Variants in CDS2 observed in about 807,000 individuals in gnomAD.
CDS2 encodes CDP-diacylglycerol synthase 2, also known as phosphatidate cytidylyltransferase 2.
In CDS2, 47 loss-of-function variants were observed where a neutral mutation model predicts 59.0. The observed-to-expected ratio is 0.80, with a 90% confidence interval of 0.63 to 1.02. The LOEUF is 1.02. Among genes scored for constraint, CDS2 ranks in the 50% least tolerant of loss-of-function variants. CDS2 has a pLI of 0.00. For missense variants in CDS2, 356 were observed against 558.9 expected (o/e 0.64, Z 3.66); for synonymous variants, 207 against 206.4 (o/e 1.00, Z -0.02).
intron 1 of CDS2, among the ~76,000 whole-genome samples, chr20:5,127,517 C>A (rs2090564811): frequency 6.6e-6 from 1 of 152,334 alleles, no homozygotes; most frequent in South Asian, 2.1e-4. Context: ...GGAGGCGGCT[C>A]CTCTGAGCGC....
intron 1 of CDS2, among the ~76,000 whole-genome samples, chr20:5,166,995 G>C (rs1013683066): frequency 1.3e-5 from 2 of 152,162 alleles, no homozygotes; most frequent in Non-Finnish European, 2.9e-5. Context: ...CTGTGGTGAG[G>C]GAGAGAGATG....
rs750135259 is a variant in CDS2, at chr20:5,184,930, G to A, written c.744G>A (p.Arg248=). 1.2e-6 allele frequency: 2 copies of A among 1,612,570 alleles called. No individual in the cohort carries two copies. The highest frequency in any genetic ancestry group is 1.7e-6 in the Non-Finnish European group (2 of 1,178,760). Reference sequence around the variant, plus strand: ...ATATGTTTGGCTTTTTCTTTGGTCGGACCCCACTCATCAAGGTAAATGGAT... The same window carrying A: ...ATATGTTTGGCTTTTTCTTTGGTCGAACCCCACTCATCAAGGTAAATGGAT... ...MAYMFGFFFG[R]TPLIKLSPKK... Residue 248 remains arginine, a synonymous_variant, in exon 8 of 13, where the codon CGG becomes CGA. Coordinates refer to ENST00000460006, the MANE Select transcript of CDS2 (RefSeq NM_003818.4). The surrounding 1 kb of genome is among the most constrained non-coding windows in gnomAD (Gnocchi z 4.3).
At chr20:5,181,919 T>A (rs1316403531) in intron 5 of CDS2, among the ~76,000 whole-genome samples, 1 of 152,222 alleles carries the variant, frequency 6.6e-6, no homozygotes, top group East Asian at 1.9e-4. Context: ...CTTAGGGAAC[T>A]GTTGTTGTGT....
chr20:5,135,120 A>G (rs977682093), intron 1 of CDS2, among the ~76,000 whole-genome samples: 3 of 152,116 alleles, frequency 2.0e-5, no homozygotes, highest in African/African-American at 7.2e-5. Context: ...CTTATTTTAT[A>G]ATAGAGACAG....
chr20:5,179,787 C>T (rs570809781), intron 5 of CDS2, among the ~76,000 whole-genome samples: 1 of 152,268 alleles, frequency 6.6e-6, no homozygotes, highest in East Asian at 1.9e-4. Context: ...TACATTAAAA[C>T]TTCACAAACA....
At chr20:5,173,375 A>T in intron 1 of CDS2, 148 bp from the exon 2 acceptor site, 2 of 806,720 alleles carry the variant, frequency 2.5e-6, no homozygotes, top group Non-Finnish European at 4.0e-6. Context: ...GATTGCTGCT[A>T]GTCCTGTCAG....
rs151121088 is a variant in CDS2 at position 5,135,223 on chromosome 20, C to T, written c.57+8074C>T. On this transcript the variant is annotated intron_variant, in intron 1 of 12. Coordinates refer to ENST00000460006, the MANE Select transcript of CDS2 (RefSeq NM_003818.4). ...CTGGTACAGCGTGAGCCACCGTGCC[C>T]GGCCATTGTAACTAATTTCACAGGG... Among the ~76,000 whole-genome samples, 816 of 152,322 alleles carry T rather than the reference C, an allele frequency of 5.4e-3. 4 individuals carry two copies. Among genetic ancestry groups the T allele is most frequent in the South Asian group, 0.017 (83 of 4,826 alleles).
chr20:5,173,426 GA>G (rs1379181949), intron 1 of CDS2, 96 bp from the exon 2 acceptor site: 1 of 1,390,046 alleles, frequency 7.2e-7, no homozygotes, highest in African/African-American at 1.4e-5. Context: ...GCCCTGTTTG[GA>G]GTCTTTCCCC....
At chr20:5,186,095 C>T (rs1339622475) in intron 9 of CDS2, among the ~76,000 whole-genome samples, 1 of 152,220 alleles carries the variant, frequency 6.6e-6, no homozygotes, top group Non-Finnish European at 1.5e-5. Context: ...TTTGATGTTC[C>T]AAGGTCAGGG....
intron 1 of CDS2, 78 bp from the exon 2 acceptor site, chr20:5,173,445 T>G: frequency 1.3e-6 from 2 of 1,527,272 alleles, no homozygotes; most frequent in Non-Finnish European, 1.8e-6. Context: ...CCCACAGATC[T>G]CTCATGACAG....
chr20:5,149,993 G>C (rs529541761), intron 1 of CDS2, among the ~76,000 whole-genome samples: 1 of 152,326 alleles, frequency 6.6e-6, no homozygotes, highest in South Asian at 2.1e-4. Context: ...AGGATTACAG[G>C]TGTGAGCCAC....
chr20:5,127,877 G>A (rs552886540), intron 1 of CDS2, among the ~76,000 whole-genome samples: 2 of 152,110 alleles, frequency 1.3e-5, no homozygotes, highest in Non-Finnish European at 2.9e-5. Flanking sequence ...GGAAGGTAGG[G>A]ATTGGTTTTA....
intron 2 of CDS2, 84 bp downstream of exon 2, chr20:5,173,743 G>A (rs941416462): frequency 1.3e-6 from 2 of 1,537,364 alleles, no homozygotes; most frequent in African/African-American, 1.4e-5. Context: ...GAGAGCCCGT[G>A]GTCTTGCAGA....
chr20:5,185,644 A>G, intron 8 of CDS2, 114 bp from the exon 9 acceptor site: 2 of 862,024 alleles, frequency 2.3e-6, no homozygotes, highest in South Asian at 3.2e-5. Flanking sequence ...TTAAAAGGTG[A>G]CATGGTTAAG....
intron 1 of CDS2, among the ~76,000 whole-genome samples, chr20:5,139,547 A>G (rs1193559694): frequency 6.6e-6 from 1 of 152,036 alleles, no homozygotes; most frequent in Non-Finnish European, 1.5e-5. Context: ...GATGCTCTTT[A>G]TTTCTTTCTC....
chr20:5,136,082 C>T (rs1398560145), intron 1 of CDS2, among the ~76,000 whole-genome samples: 2 of 152,104 alleles, frequency 1.3e-5, no homozygotes, highest in Non-Finnish European at 2.9e-5. Context: ...CACTCTCTGC[C>T]CCTGGGTCTC....
At chr20:5,139,668 C>G (rs1369465045) in intron 1 of CDS2, among the ~76,000 whole-genome samples, 1 of 152,138 alleles carries the variant, frequency 6.6e-6, no homozygotes, top group East Asian at 1.9e-4. Context: ...TTTGCCTATT[C>G]AGTATGATGT....
At position 5,194,865 on chromosome 20, in the gene CDS2, A is replaced by G. The variant is rs887490785; in HGVS notation, c.*4631A>G. On this transcript the variant is annotated 3_prime_UTR_variant, in exon 13 of 13. Transcript: ENST00000460006. Reference sequence around the variant, plus strand: ...TGTGTTTATTAATAAGGATTGCAATAGTATAGTGCTTAATATGTGCCAGGC... The same window carrying G: ...TGTGTTTATTAATAAGGATTGCAATGGTATAGTGCTTAATATGTGCCAGGC... 2 of 152,068 alleles carry G rather than the reference A, an allele frequency of 1.3e-5. No individual in the cohort carries two copies. The highest frequency in any genetic ancestry group is 2.9e-5 in the Non-Finnish European group (2 of 68,020). The allele number at this position is 152,068 out of a possible 1,614,324, so 9.4% of individuals were successfully genotyped here. A position where few individuals can be genotyped will look rare whatever the true frequency, so the allele number is the denominator to read the frequency against.
Position 5,184,310 on chromosome 20 carries a change from A to T in CDS2, c.672-548A>T, listed in dbSNP as rs965225801. ...ACTGGATCAGCAGGGGAGTGGGCAG[A>T]GGGGAAATCTAGCTGTGCGTGTTGG... On this transcript the variant is annotated intron_variant, in intron 7 of 12. Transcript: ENST00000460006. The surrounding 1 kb of genome is among the most constrained non-coding windows in gnomAD (Gnocchi z 4.3). Among the ~76,000 whole-genome samples, 3 of 152,174 alleles carry T rather than the reference A, an allele frequency of 2.0e-5. No homozygotes were observed. The highest frequency in any genetic ancestry group is 7.2e-5 in the African/African-American group (3 of 41,434).
Sources: allele counts gnomAD v4.1 joint callset (sites outside exome capture counted in the v4.1 genomes callset), GRCh38; gene constraint gnomAD v4.1.1; non-coding constraint Gnocchi (gnomAD v3.1); transcripts MANE v1.5; gene names NCBI Gene and HGNC (gene_info 2026-07-23, HGNC 2026-07-21).